Variants in CFAP47 observed in about 807,000 individuals in gnomAD.
The protein encoded by CFAP47 is cilia- and flagella-associated protein 47.
A neutral mutation model predicts 148.1 loss-of-function variants in CFAP47; 29 were observed. The ratio of observed to expected loss-of-function variants is 0.20; its 90% CI spans 0.15 to 0.27. The LOEUF is 0.27. Ranked by LOEUF, CFAP47 falls within the 10% of genes least tolerant of loss-of-function variation. The pLI is 1.00. For missense variants in CFAP47, 1,872 were observed against 1,697.5 expected, an observed-to-expected ratio of 1.10 and a Z score of -1.81; for synonymous variants, 664 against 577.3, an observed-to-expected ratio of 1.15 and a Z score of -2.15.
chrX:36,304,097 A>G (rs1941325390), intron 54 of CFAP47, 137 bp downstream of exon 54: 3 of 367,498 alleles, frequency 8.2e-6, no homozygotes, highest in Non-Finnish European at 1.4e-5. Context: ...ATTGAATTTT[A>G]TAGGCCCAGC....
At chrX:36,303,007 T>A (rs1397507282) in intron 53 of CFAP47, among the ~76,000 whole-genome samples, 1 of 111,931 alleles carries the variant, frequency 8.9e-6, no homozygotes, top group Non-Finnish European at 1.9e-5. Context: ...AGTCATTATA[T>A]TAGCTTCCTA....
chrX:36,247,775 T>G (rs1355991787), intron 48 of CFAP47, among the ~76,000 whole-genome samples: 6 of 111,085 alleles, frequency 5.4e-5, no homozygotes, highest in Non-Finnish European at 1.1e-4. Flanking sequence ...ATAAGATATA[T>G]AGATAATAGG....
intron 49 of CFAP47, among the ~76,000 whole-genome samples, chrX:36,253,076 G>A (rs1940711562): frequency 8.9e-6 from 1 of 112,117 alleles, no homozygotes; most frequent in African/African-American, 3.2e-5. Flanking sequence ...AGCAGCTTTT[G>A]TGGCACCACA....
intron 38 of CFAP47, among the ~76,000 whole-genome samples, 165 bp from the exon 39 acceptor site, chrX:36,160,516 G>T (rs772315094): frequency 9.0e-6 from 1 of 111,547 alleles, no homozygotes; most frequent in South Asian, 3.7e-4. Flanking sequence ...TGAAATTATA[G>T]AATACCTAGA....
chrX:36,261,977 C>T (rs782482140), intron 49 of CFAP47, among the ~76,000 whole-genome samples: 6 of 109,727 alleles, frequency 5.5e-5, no homozygotes, highest in Admixed American at 3.2e-4. Flanking sequence ...CCCTCCCGGA[C>T]GGGGTGGCTG....
At chrX:36,075,044 C>A (rs1384695406) in intron 29 of CFAP47, among the ~76,000 whole-genome samples, 2 of 110,738 alleles carry the variant, frequency 1.8e-5, no homozygotes, top group Non-Finnish European at 3.8e-5. Flanking sequence ...GATTCCATAT[C>A]TTGGCTATTG....
At chrX:36,260,513 C>T (rs1199317969) in intron 49 of CFAP47, among the ~76,000 whole-genome samples, 2 of 112,005 alleles carry the variant, frequency 1.8e-5, no homozygotes, top group African/African-American at 6.5e-5. Flanking sequence ...TTGTTGGTTA[C>T]ATGTTTGTCT....
chrX:36,049,657 T>C (rs1179427134), intron 26 of CFAP47, among the ~76,000 whole-genome samples: 1 of 111,931 alleles, frequency 8.9e-6, no homozygotes, highest in East Asian at 2.8e-4. Flanking sequence ...ATCGTCTCTA[T>C]GGTTATAGAA....
chrX:36,326,103 T>C (rs2146969992), intron 57 of CFAP47, among the ~76,000 whole-genome samples: 1 of 111,494 alleles, frequency 9.0e-6, no homozygotes, highest in South Asian at 3.7e-4. Flanking sequence ...TATGAGCCTG[T>C]TTCTAGACTT....
At chrX:36,292,005 T>G (rs1048647019) in intron 51 of CFAP47, among the ~76,000 whole-genome samples, 3 of 111,335 alleles carry the variant, frequency 2.7e-5, no homozygotes, top group African/African-American at 9.8e-5. Context: ...CTTTTCTCTC[T>G]CAAGGTTATG....
At chrX:36,115,878 A>T (rs1938631620) in intron 33 of CFAP47, among the ~76,000 whole-genome samples, 1 of 111,660 alleles carries the variant, frequency 9.0e-6, no homozygotes, top group Admixed American at 9.5e-5. Flanking sequence ...ATAGGACATA[A>T]ATCTGTAGTT....
In CFAP47 at chrX:36,142,370, G is replaced by T. The variant is rs1939157711; in HGVS notation, c.5536-2849G>T. Among the ~76,000 whole-genome samples the T allele has an allele frequency of 2.7e-5, 3 of 110,485 alleles. No homozygotes were observed. In the South Asian group the frequency reaches 1.1e-3, roughly 42 times the overall value. On this transcript the variant is annotated intron_variant, in intron 35 of 63. Coordinates refer to ENST00000378653, the MANE Select transcript of CFAP47 (RefSeq NM_001304548.2). ...TTGTTATGATTTTTATGATTTTTTT[G>T]TTTGTTTACATTCCTGCATTTTGTT... is the stretch of plus-strand genomic sequence containing the variant.
At chrX:36,327,762 A>G (rs781991440) in intron 57 of CFAP47, among the ~76,000 whole-genome samples, 2 of 112,467 alleles carry the variant, frequency 1.8e-5, no homozygotes, top group African/African-American at 6.5e-5. Flanking sequence ...TGTGGTACAT[A>G]TATATCATGC....
chrX:36,296,660 C>T (rs1280273748), intron 51 of CFAP47, among the ~76,000 whole-genome samples: 1 of 112,278 alleles, frequency 8.9e-6, no homozygotes, highest in African/African-American at 3.2e-5. Context: ...CAGGCTATAA[C>T]ATTCTGTTGA....
chrX:36,355,999 A>T (rs187260983), intron 60 of CFAP47, among the ~76,000 whole-genome samples: 1 of 111,808 alleles, frequency 8.9e-6, no homozygotes, highest in East Asian at 2.8e-4. Flanking sequence ...CTGATCATAT[A>T]CATTGATTAT....
chrX:36,274,453 C>T (rs1435492500), intron 49 of CFAP47, among the ~76,000 whole-genome samples: 1 of 111,474 alleles, frequency 9.0e-6, no homozygotes, highest in East Asian at 2.8e-4. Flanking sequence ...GCATTGTCAA[C>T]TTATGATATT....
chrX:36,086,830 G>A (rs1042446921), intron 30 of CFAP47, among the ~76,000 whole-genome samples: 1 of 110,706 alleles, frequency 9.0e-6, no homozygotes, highest in Non-Finnish European at 1.9e-5. Flanking sequence ...TTAGAGGGAC[G>A]CCACTGGAGA....
At chrX:36,215,496 T>G (rs782154099) in intron 45 of CFAP47, among the ~76,000 whole-genome samples, 14 of 109,494 alleles carry the variant, frequency 1.3e-4, no homozygotes, top group Non-Finnish European at 1.1e-4. Flanking sequence ...ATGCAAGATA[T>G]AGGTCACCCC....
chrX:36,114,854 G>A (rs901247171), intron 33 of CFAP47, among the ~76,000 whole-genome samples: 10 of 111,712 alleles, frequency 9.0e-5, no homozygotes, highest in Non-Finnish European at 5.6e-5. Flanking sequence ...GCAGCAGCAC[G>A]ATGGGGTGCA....
Sources: allele counts gnomAD v4.1 joint callset (sites outside exome capture counted in the v4.1 genomes callset), GRCh38; gene constraint gnomAD v4.1.1; transcripts MANE v1.5; gene names NCBI Gene and HGNC (gene_info 2026-07-23, HGNC 2026-07-21).